Variants in CCDC82 observed in about 807,000 individuals in gnomAD.
CCDC82 encodes coiled-coil domain-containing protein 82.
Under a neutral mutation model 60.6 loss-of-function variants are expected in CCDC82, and 47 were observed. The ratio of observed to expected loss-of-function variants is 0.77; its 90% CI spans 0.61 to 0.99. The LOEUF is 0.99. Ranked by LOEUF, CCDC82 falls within the 50% of genes least tolerant of loss-of-function variation. The pLI is 0.00. For synonymous variants in CCDC82, 212 were observed against 207.4 expected (o/e 1.02, Z -0.19); for missense variants, 588 against 633.0 (o/e 0.93, Z 0.76).
chr11:96,359,950 G>A (rs767363414), intron 8 of CCDC82, among the ~76,000 whole-genome samples: 9 of 151,064 alleles, frequency 6.0e-5, no homozygotes, highest in African/African-American at 9.7e-5. Flanking sequence ...TAATTCCTAC[G>A]TTTATATGGA....
intron 1 of CCDC82, chr11:96,389,342 G>A (rs1486534295): frequency 6.6e-6 from 1 of 152,180 alleles, no homozygotes; most frequent in Non-Finnish European, 1.5e-5. Flanking sequence ...ACACCCGGAA[G>A]GGTGACTTTC....
chr11:96,364,977 T>C lies in CCDC82; in HGVS notation c.1380+3A>G, dbSNP rs751245356. On this transcript the variant is annotated splice_donor_region_variant and intron_variant, in intron 8 of 9. Coordinates refer to ENST00000646818, the MANE Select transcript of CCDC82 (RefSeq NM_024725.4). ...AAAATTAAGATTAGAGGGAAGAAAA[T>C]ACCTGTTTATCATGTGACATGAAAT... 3 of 1,591,972 alleles carry C rather than the reference T, an allele frequency of 1.9e-6. No individual in the cohort carries two copies. Among genetic ancestry groups the C allele is most frequent in the Non-Finnish European group, 2.6e-6 (3 of 1,172,006 alleles).
intron 7 of CCDC82, 51 bp from the exon 8 acceptor site, chr11:96,365,201 A>T (rs1318400524): frequency 2.4e-6 from 3 of 1,243,032 alleles, no homozygotes; most frequent in East Asian, 5.2e-5. Flanking sequence ...AATAAAAATA[A>T]AAGTAAGAAT....
intron 5 of CCDC82, among the ~76,000 whole-genome samples, chr11:96,378,647 C>A (rs565208949): frequency 6.6e-6 from 1 of 152,028 alleles, no homozygotes; most frequent in South Asian, 2.1e-4. Flanking sequence ...TTGATTCTGT[C>A]CCTCTGAATA....
chr11:96,376,329 A>G (rs774479442), intron 5 of CCDC82, among the ~76,000 whole-genome samples: 4 of 151,956 alleles, frequency 2.6e-5, no homozygotes, highest in African/African-American at 4.8e-5. Flanking sequence ...TGTTCTACGC[A>G]TATTACCTTT....
intron 3 of CCDC82, chr11:96,385,566 C>G: frequency 6.6e-6 from 1 of 152,036 alleles, no homozygotes; most frequent in Non-Finnish European, 1.5e-5. Flanking sequence ...CCTCTTTATA[C>G]CTTAGTAAAA....
Position 96,359,055 on chromosome 11 carries a change from G to A in CCDC82, c.1504C>T (p.Gln502Ter). 3.7e-6 allele frequency: 6 copies of A among 1,607,680 alleles called. No individual in the cohort carries two copies. Among genetic ancestry groups the A allele is most frequent in the Non-Finnish European group, 5.1e-6 (6 of 1,178,258 alleles). Residue 502 changes from glutamine to a stop codon, truncating the protein, a stop_gained, in exon 9 of 10, where the codon CAA becomes TAA. Transcript: ENST00000646818. LOFTEE classifies it high-confidence loss of function. ...ATTCTTTCCACTGTTTCTTTAACTT[G>A]TTCATCTTCAACTTCTTCTGTCATT... Reference protein sequence around the residue: ...IAMTEEVEDEQVKETVERIFR... With the variant: ...IAMTEEVEDE
chr11:96,360,293 TC>T (rs1252887779), intron 8 of CCDC82, among the ~76,000 whole-genome samples: 3 of 150,746 alleles, frequency 2.0e-5, no homozygotes, highest in Admixed American at 2.0e-4. Context: ...ACCTCTACAT[TC>T]CGGTTTCCCT....
chr11:96,365,167 T>A lies in CCDC82; in HGVS notation c.1210-17A>T, dbSNP rs1565305850. The A allele has an allele frequency of 1.4e-6, 2 of 1,447,688 alleles. No homozygotes were observed. Among genetic ancestry groups the A allele is most frequent in the Non-Finnish European group, 9.3e-7 (1 of 1,072,262 alleles). The allele number at this position is 1,447,688 out of a possible 1,614,324, so 89.7% of individuals were successfully genotyped here. ...TACTCGCTCCTGAAAACAAAAAATA[T>A]AAAAAAAAGTTTAAAAGATAAAGAA... On this transcript the variant is annotated splice_polypyrimidine_tract_variant and intron_variant, in intron 7 of 9. Coordinates refer to ENST00000646818, the MANE Select transcript of CCDC82 (RefSeq NM_024725.4).
At chr11:96,381,514 AAAAAT>A (rs1216022689) in intron 5 of CCDC82, 2 of 151,816 alleles carry the variant, frequency 1.3e-5, no homozygotes, top group African/African-American at 4.8e-5. Context: ...CTCAAAGAAA[AAAAAT>A]AAAAGTATAT....
At chr11:96,369,415 T>G (rs564359114) in intron 7 of CCDC82, among the ~76,000 whole-genome samples, 1 of 152,324 alleles carries the variant, frequency 6.6e-6, no homozygotes, top group South Asian at 2.1e-4. Context: ...GTGAGAGACC[T>G]GCAACTCTTC....
intron 5 of CCDC82, 68 bp from the exon 6 acceptor site, chr11:96,373,535 C>T: frequency 1.2e-5 from 10 of 868,236 alleles, no homozygotes; most frequent in Non-Finnish European, 1.9e-5. Context: ...CAATAGGTTC[C>T]ATTCTCCACT....
At chr11:96,385,899 T>C (rs1866165440) in intron 3 of CCDC82, 1 of 152,160 alleles carries the variant, frequency 6.6e-6, no homozygotes, top group Non-Finnish European at 1.5e-5. Flanking sequence ...GTTAGAGGTA[T>C]ATATTGAACT....
chr11:96,365,982 T>C (rs1010953869), intron 7 of CCDC82, among the ~76,000 whole-genome samples: 3 of 152,264 alleles, frequency 2.0e-5, no homozygotes, highest in Non-Finnish European at 1.5e-5. Flanking sequence ...TTTTATATTA[T>C]ATGATTGAAA....
intron 5 of CCDC82, among the ~76,000 whole-genome samples, chr11:96,374,984 G>GA (rs11394557): frequency 0.08 from 11,629 of 145,030 alleles, 492 homozygotes; most frequent in African/African-American, 0.11. Context: ...AGACCAAAAA[G>GA]AAAAAAAAAA....
intron 6 of CCDC82, 133 bp downstream of exon 6, chr11:96,373,242 A>T: frequency 1.7e-6 from 1 of 578,638 alleles, no homozygotes; most frequent in Non-Finnish European, 3.1e-6. Context: ...TTGATCCTAC[A>T]GGGAAAACAT....
chr11:96,370,534 C>G (rs982049367), intron 7 of CCDC82, among the ~76,000 whole-genome samples: 2 of 152,174 alleles, frequency 1.3e-5, no homozygotes. Flanking sequence ...AAGCAGGTAA[C>G]AGGTGTTACC....
At chr11:96,372,846 G>A (rs778964165) in intron 6 of CCDC82, among the ~76,000 whole-genome samples, 4 of 151,002 alleles carry the variant, frequency 2.6e-5, no homozygotes, top group Non-Finnish European at 4.4e-5. Flanking sequence ...ATATAAATGA[G>A]TACTATGAGT....
chr11:96,366,673 G>C (rs549435576), intron 7 of CCDC82, among the ~76,000 whole-genome samples: 1 of 152,286 alleles, frequency 6.6e-6, no homozygotes, highest in Admixed American at 6.5e-5. Flanking sequence ...GGAGGATCTC[G>C]AGCCCAGAAG....
Sources: allele counts gnomAD v4.1 joint callset (sites outside exome capture counted in the v4.1 genomes callset), GRCh38; gene constraint gnomAD v4.1.1; transcripts MANE v1.5; gene names NCBI Gene and HGNC (gene_info 2026-07-23, HGNC 2026-07-21).